The following PPP4R3A variants were observed in gnomAD, a reference collection of about 807,000 sequenced individuals.
PPP4R3A encodes the protein serine/threonine-protein phosphatase 4 regulatory subunit 3A.
Under a neutral mutation model 91.7 loss-of-function variants are expected in PPP4R3A, and 15 were observed. The observed-to-expected ratio is 0.16, with a 90% confidence interval of 0.11 to 0.25. The LOEUF (loss-of-function observed/expected upper bound fraction) is 0.25. PPP4R3A is among the 10% of genes least tolerant of loss of function. PPP4R3A has a pLI of 1.00. For missense variants in PPP4R3A, 623 were observed against 998.4 expected (o/e 0.62, Z 5.07); for synonymous variants, 377 against 348.7 (o/e 1.08, Z -0.91).
At position 91,495,656 on chromosome 14, in the gene PPP4R3A, T is replaced by G. The variant is rs150676022; in HGVS notation, c.143-4854A>C. Among the ~76,000 whole-genome samples the G allele has an allele frequency of 2.3e-3, 345 of 152,172 alleles. 1 individual carries two copies. The highest frequency in any genetic ancestry group is 8.0e-3 in the African/African-American group (334 of 41,500). Reference sequence around the variant, plus strand: ...ACTAAAAAACAATGAATTGTACATTTTGAATTGGTGAATTATATAGTATGT... The same window carrying G: ...ACTAAAAAACAATGAATTGTACATTGTGAATTGGTGAATTATATAGTATGT... On this transcript the variant is annotated intron_variant, in intron 1 of 14. Coordinates refer to ENST00000554943, the MANE Select transcript of PPP4R3A (RefSeq NM_001366432.2).
Position 91,458,477 on chromosome 14 carries a change from C to A in PPP4R3A, c.*282G>T, listed in dbSNP as rs2140054616. The A allele has an allele frequency of 6.4e-6, 3 of 469,656 alleles. No homozygotes were observed. Among genetic ancestry groups the A allele is most frequent in the East Asian group, 8.7e-5 (2 of 23,072 alleles). The allele number at this position is 469,656 out of a possible 1,614,324, so 29.1% of individuals were successfully genotyped here. On this transcript the variant is annotated 3_prime_UTR_variant, in exon 15 of 15. Coordinates refer to ENST00000554943, the MANE Select transcript of PPP4R3A (RefSeq NM_001366432.2). ...CAATCCAGAGTTCCACTTACAAAAC[C>A]CCTGCCCTGTTGGCTTTTTGTTTCC...
At position 91,458,541 on chromosome 14, in the gene PPP4R3A, C is replaced by A; in HGVS notation, c.*218G>T. On this transcript the variant is annotated 3_prime_UTR_variant, in exon 15 of 15. Transcript: ENST00000554943. Reference sequence around the variant, plus strand: ...AGAAAAGGGCAATGTGTGGTCCAAGCTGGAGAGCTCAAAGGCTTAAGTCTT... The same window carrying A: ...AGAAAAGGGCAATGTGTGGTCCAAGATGGAGAGCTCAAAGGCTTAAGTCTT... 1 of 668,136 alleles carries A rather than the reference C, an allele frequency of 1.5e-6. No homozygotes were observed. The highest frequency in any genetic ancestry group is 1.6e-5 in the South Asian group (1 of 61,944). 41.4% of individuals were successfully genotyped at this position (668,136 alleles called of 1,614,324 possible).
intron 1 of PPP4R3A, among the ~76,000 whole-genome samples, chr14:91,504,296 A>G (rs1452047007): frequency 6.6e-6 from 1 of 151,082 alleles, no homozygotes; most frequent in East Asian, 1.9e-4. Flanking sequence ...CCACTGCACT[A>G]CAGCATGGGC....
In PPP4R3A at chr14:91,509,612, C is replaced by A. The variant is rs557743993; in HGVS notation, c.36G>T (p.Thr12=). 1 of 1,602,614 alleles carries A rather than the reference C, an allele frequency of 6.2e-7. No homozygotes were observed. The highest frequency in any genetic ancestry group is 1.1e-5 in the South Asian group (1 of 90,928). Residue 12 remains threonine (T), a synonymous_variant, in exon 1 of 15, where the codon ACG becomes ACT. Coordinates refer to ENST00000554943, the MANE Select transcript of PPP4R3A (RefSeq NM_001366432.2). ...TDTRRRVKVY[T]LNEDRQWDDR... ...CGTCCCACTGCCGGTCCTCGTTGAGCGTGTACACCTTCACCCGCCGCCGGG... is the reference window on the plus strand; with the variant it reads ...CGTCCCACTGCCGGTCCTCGTTGAGAGTGTACACCTTCACCCGCCGCCGGG...
In PPP4R3A at chr14:91,509,597, C is replaced by T; in HGVS notation, c.51G>A (p.Arg17=). The T allele has an allele frequency of 6.2e-7, 1 of 1,603,290 alleles. No homozygotes were observed. The highest frequency in any genetic ancestry group is 1.1e-5 in the South Asian group (1 of 90,820). The change falls in exon 1 of 15, where the codon CGG becomes CGA. Residue 17 remains arginine, a synonymous_variant. Coordinates refer to ENST00000554943, the MANE Select transcript of PPP4R3A (RefSeq NM_001366432.2). Reference sequence around the variant, plus strand: ...GCCCGGTGCCCCGGTCGTCCCACTGCCGGTCCTCGTTGAGCGTGTACACCT... The same window carrying T: ...GCCCGGTGCCCCGGTCGTCCCACTGTCGGTCCTCGTTGAGCGTGTACACCT... ...RVKVYTLNED[R]QWDDRGTGHV... is the part of the protein sequence containing the mutation.
chr14:91,461,332 A>G, intron 14 of PPP4R3A, 49 bp downstream of exon 14: 1 of 1,534,346 alleles, frequency 6.5e-7, no homozygotes, highest in Non-Finnish European at 9.0e-7. Flanking sequence ...TATTGTTGAG[A>G]AAGCTTCAAT....
intron 1 of PPP4R3A, among the ~76,000 whole-genome samples, chr14:91,508,959 T>C (rs1237354007): frequency 6.6e-6 from 1 of 152,192 alleles, no homozygotes; most frequent in Non-Finnish European, 1.5e-5. Context: ...CGTTTTCTCT[T>C]AGTGTAGAGT....
In PPP4R3A at chr14:91,488,172, C is replaced by T. The variant is rs557133558; in HGVS notation, c.199-2442G>A. ...CCTGTGAATAATAGCCACTGTACTC[C>T]AGCCTGAGCAACATATCAAGACCCC... is the stretch of plus-strand genomic sequence containing the variant. On this transcript the variant is annotated intron_variant, in intron 2 of 14. Coordinates refer to ENST00000554943, the MANE Select transcript of PPP4R3A (RefSeq NM_001366432.2). 1.7e-4 allele frequency among the ~76,000 whole-genome samples: 26 copies of T among 151,160 alleles called. 1 individual carries two copies. Among genetic ancestry groups the T allele is most frequent in the African/African-American group, 5.8e-4 (24 of 41,100 alleles).
chr14:91,470,247 C>T (rs1170673353), intron 10 of PPP4R3A, among the ~76,000 whole-genome samples: 1 of 152,154 alleles, frequency 6.6e-6, no homozygotes, highest in Non-Finnish European at 1.5e-5. Context: ...CCTGGATTAA[C>T]CTATTTTCAA....
At chr14:91,500,026 A>T (rs899561388) in intron 1 of PPP4R3A, among the ~76,000 whole-genome samples, 6 of 152,304 alleles carry the variant, frequency 3.9e-5, no homozygotes, top group African/African-American at 1.4e-4. Flanking sequence ...CAGAGAACTC[A>T]GCAAATATTT....
chr14:91,507,396 T>TA (rs1383498780), intron 1 of PPP4R3A, among the ~76,000 whole-genome samples: 1 of 50,996 alleles, frequency 2.0e-5, no homozygotes, highest in Non-Finnish European at 5.8e-5. Context: ...ATAGTATATG[T>TA]ACTATAATTA....
chr14:91,475,732 T>A, intron 7 of PPP4R3A, 79 bp downstream of exon 7: 1 of 1,373,950 alleles, frequency 7.3e-7, no homozygotes, highest in Non-Finnish European at 9.9e-7. Context: ...CAGCAACAAT[T>A]AAATCTTAAA....
intron 1 of PPP4R3A, among the ~76,000 whole-genome samples, chr14:91,505,734 A>C (rs981956566): frequency 1.3e-5 from 2 of 152,240 alleles, no homozygotes; most frequent in Non-Finnish European, 2.9e-5. Flanking sequence ...GTCTAGCCCA[A>C]GTATGGAAAA....
At chr14:91,495,934 AACACAC>A (rs35119396) in intron 1 of PPP4R3A, among the ~76,000 whole-genome samples, 37,719 of 151,464 alleles carry the variant, frequency 0.25, 5,590 homozygotes, top group Non-Finnish European at 0.35. Flanking sequence ...AACAAAACAA[AACACAC>A]ACACACACAC....
intron 12 of PPP4R3A, 100 bp downstream of exon 12, chr14:91,462,635 T>C: frequency 7.6e-7 from 1 of 1,317,712 alleles, no homozygotes; most frequent in South Asian, 1.2e-5. Flanking sequence ...TCTGCTGATT[T>C]CCCTGTTCCT....
chr14:91,473,041 G>A lies in PPP4R3A; in HGVS notation c.1493C>T (p.Pro498Leu). 1 of 1,613,584 alleles carries A rather than the reference G, an allele frequency of 6.2e-7. No homozygotes were observed. Among genetic ancestry groups the A allele is most frequent in the South Asian group, 1.1e-5 (1 of 90,978 alleles). ...AACCTGAATTATCTTACCTTTACTA[G>A]GTTTGTCTTCTGTTGTATTTGCTAG... is the stretch of plus-strand genomic sequence containing the variant. The part of the protein sequence containing the change: ...PLLANTTEDK[P>L]SKDDFQTAQL... Residue 498 changes from proline to leucine, a missense_variant, in exon 9 of 15, where the codon CCT (proline) becomes CTT (leucine). Pro to Leu is a moderately conservative substitution (Grantham distance 98). Transcript: ENST00000554943.
intron 9 of PPP4R3A, among the ~76,000 whole-genome samples, chr14:91,471,572 A>G (rs932638229): frequency 6.6e-6 from 1 of 152,154 alleles, no homozygotes; most frequent in Non-Finnish European, 1.5e-5. Flanking sequence ...ACAGTCCTTC[A>G]CAAAATCACA....
At chr14:91,469,682 C>A (rs1317664486) in intron 10 of PPP4R3A, among the ~76,000 whole-genome samples, 1 of 152,124 alleles carries the variant, frequency 6.6e-6, no homozygotes, top group Non-Finnish European at 1.5e-5. Flanking sequence ...GATCCTTCTG[C>A]CTCAGCCTCC....
chr14:91,484,888 T>C (rs1481495381), intron 3 of PPP4R3A, among the ~76,000 whole-genome samples: 2 of 152,170 alleles, frequency 1.3e-5, no homozygotes, highest in African/African-American at 2.4e-5. Flanking sequence ...CTAGAGCACA[T>C]ACAAATGCAA....
Sources: allele counts gnomAD v4.1 joint callset (sites outside exome capture counted in the v4.1 genomes callset), GRCh38; gene constraint gnomAD v4.1.1; transcripts MANE v1.5; gene names NCBI Gene and HGNC (gene_info 2026-07-23, HGNC 2026-07-21).